The following ADGRG7 variants were observed in gnomAD, a reference collection of about 807,000 sequenced individuals.
ADGRG7 encodes adhesion G protein-coupled receptor G7, also known as G-protein coupled receptor 128.
ADGRG7 carries 82 observed loss-of-function variants against 88.6 expected under a neutral mutation model. That is an observed-to-expected ratio of 0.93 (90% CI 0.77 to 1.11). The LOEUF is 1.11. ADGRG7 is among the 50% of genes most tolerant of loss of function. ADGRG7 has a pLI of 0.00. For missense variants in ADGRG7, 945 were observed against 953.4 expected (o/e 0.99, Z 0.12); for synonymous variants, 381 against 345.2 (o/e 1.10, Z -1.15).
At chr3:100,667,929 C>T (rs762942084) in intron 14 of ADGRG7, among the ~76,000 whole-genome samples, 2 of 152,186 alleles carry the variant, frequency 1.3e-5, no homozygotes, top group Non-Finnish European at 2.9e-5. Flanking sequence ...AGGCAGGCAC[C>T]ATAGGGAATC....
intron 10 of ADGRG7, among the ~76,000 whole-genome samples, chr3:100,647,754 A>G (rs1178535560): frequency 6.6e-6 from 1 of 152,226 alleles, no homozygotes; most frequent in Non-Finnish European, 1.5e-5. Flanking sequence ...TTTATACACA[A>G]TGGAATGGGG....
rs1456447236 is a variant in ADGRG7 at position 100,655,968 on chromosome 3, G to A, written c.1796G>A (p.Trp599Ter). 1.7e-5 allele frequency: 28 copies of A among 1,608,112 alleles called. No homozygotes were observed. Among genetic ancestry groups the A allele is most frequent in the African/African-American group, 4.0e-5 (3 of 74,786 alleles). Residue 599 changes from tryptophan (W) to a stop codon, truncating the protein, a stop_gained, in exon 13 of 16, where the codon TGG (tryptophan) becomes TAG (stop). Coordinates refer to ENST00000273352, the MANE Select transcript of ADGRG7 (RefSeq NM_032787.3). LOFTEE classifies it high-confidence loss of function. ...TCTCAGAATGGAAATAATCCACAGT[G>A]GGAATTAGACTACCGGCAAGAGAAA... ...IYSQNGNNPQ[W>*]ELDYRQEKIC...
At chr3:100,680,976 T>C (rs1250341781) in intron 15 of ADGRG7, among the ~76,000 whole-genome samples, 1 of 152,196 alleles carries the variant, frequency 6.6e-6, no homozygotes, top group African/African-American at 2.4e-5. Flanking sequence ...TGAAGATGCT[T>C]TTATTCCTTG....
chr3:100,637,383 AATG>A lies in ADGRG7; in HGVS notation c.686_688del (p.Asp229del), dbSNP rs746894545. 2 of 1,612,768 alleles carry A rather than the reference AATG, an allele frequency of 1.2e-6. No homozygotes were observed. Among genetic ancestry groups the A allele is most frequent in the South Asian group, 1.1e-5 (1 of 91,054 alleles). On this transcript the variant is annotated inframe_deletion, in exon 6 of 16. Transcript: ENST00000273352. ...TTTTCAAAGAGTTGCTGCTACTGCT[AATG>A]ATGATGCCCTTACAACGTAAGCACA...
intron 11 of ADGRG7, among the ~76,000 whole-genome samples, chr3:100,652,094 A>C (rs2094930320): frequency 6.6e-6 from 1 of 152,142 alleles, no homozygotes; most frequent in Non-Finnish European, 1.5e-5. Context: ...ATTATAATTG[A>C]TAAAATTAGA....
chr3:100,669,896 G>A (rs1379695638), intron 15 of ADGRG7, among the ~76,000 whole-genome samples: 3 of 151,844 alleles, frequency 2.0e-5, no homozygotes, highest in Non-Finnish European at 4.4e-5. Context: ...AAATTAGCTG[G>A]GCATGGTGGC....
intron 15 of ADGRG7, among the ~76,000 whole-genome samples, chr3:100,678,545 A>G (rs2094968680): frequency 6.6e-6 from 1 of 152,056 alleles, no homozygotes; most frequent in Admixed American, 6.5e-5. Flanking sequence ...ATTTACTGTA[A>G]TCTTTACTGT....
chr3:100,657,071 T>G (rs962581198), intron 13 of ADGRG7, among the ~76,000 whole-genome samples: 5 of 152,182 alleles, frequency 3.3e-5, no homozygotes, highest in African/African-American at 1.2e-4. Flanking sequence ...AGAAGCCAAC[T>G]GACTTCAGTT....
intron 8 of ADGRG7, among the ~76,000 whole-genome samples, chr3:100,645,082 A>G (rs573065937): frequency 5.3e-5 from 8 of 152,300 alleles, no homozygotes; most frequent in Non-Finnish European, 1.0e-4. Flanking sequence ...TCACACCACA[A>G]TGTTTTCCTT....
rs546462468 is a variant in ADGRG7, at chr3:100,629,606, A to C, written c.124A>C (p.Thr42Pro). ...ATTTATTGTTTCTTTAGGAAAATCT[A>C]CTTCCTCATCAAGCACCCCTACAGA... ...IVIRIQRGKS[T>P]SSSSTPTEFC... is the part of the protein sequence containing the mutation. Residue 42 changes from threonine to proline, a missense_variant, in exon 2 of 16, where the codon ACT becomes CCT. Transcript: ENST00000273352. 6.2e-7 allele frequency: 1 copy of C among 1,610,202 alleles called. No individual in the cohort carries two copies. Among genetic ancestry groups the C allele is most frequent in the Admixed American group, 1.7e-5 (1 of 59,920 alleles).
intron 14 of ADGRG7, among the ~76,000 whole-genome samples, chr3:100,663,036 A>G (rs778679825): frequency 1.4e-4 from 22 of 152,078 alleles, no homozygotes; most frequent in Admixed American, 3.3e-4. Flanking sequence ...TCTAGCCTCA[A>G]TCTGTTGTGT....
At chr3:100,618,630 T>C (rs1203338401) in intron 1 of ADGRG7, among the ~76,000 whole-genome samples, 42 of 152,292 alleles carry the variant, frequency 2.8e-4, no homozygotes, top group Non-Finnish European at 5.0e-4. Flanking sequence ...CCTTGTAGTA[T>C]AGTTTGAAGT....
At chr3:100,645,887 T>G in intron 8 of ADGRG7, 58 bp from the exon 9 acceptor site, 9 of 1,458,474 alleles carry the variant, frequency 6.2e-6, no homozygotes, top group Non-Finnish European at 8.5e-6. Flanking sequence ...CGTGACATAT[T>G]GTTTTTTGTT....
chr3:100,628,599 G>A (rs58351812), intron 1 of ADGRG7, among the ~76,000 whole-genome samples: 12,055 of 151,918 alleles, frequency 0.079, 691 homozygotes, highest in East Asian at 0.25. Context: ...CAAGTGATCC[G>A]CCCACCTCAG....
intron 1 of ADGRG7, among the ~76,000 whole-genome samples, chr3:100,617,217 T>C (rs1707238406): frequency 6.6e-6 from 1 of 152,142 alleles, no homozygotes; most frequent in Non-Finnish European, 1.5e-5. Flanking sequence ...ATTTTCTTTT[T>C]TTCTTTTTCT....
At chr3:100,634,619 A>G (rs1144123) in intron 4 of ADGRG7, among the ~76,000 whole-genome samples, 139,377 of 152,106 alleles carry the variant, frequency 0.92, 65,121 homozygotes, top group East Asian at 1. Flanking sequence ...GTTGGGTGGG[A>G]ACAGAAGTTG....
Position 100,659,707 on chromosome 3 carries a change from G to GA in ADGRG7, c.1845dup (p.Pro616ThrfsTer40), listed in dbSNP as rs574492402. The GA allele has an allele frequency of 4.8e-4, 769 of 1,613,290 alleles. 2 individuals are homozygous for GA. The highest frequency in any genetic ancestry group is 3.0e-3 in the Admixed American group (180 of 59,858). On this transcript the variant is annotated frameshift_variant, in exon 14 of 16. Transcript: ENST00000273352. LOFTEE classifies it high-confidence loss of function. ...CCACAGCTGCTGGCTGGCAATTCCAGAACCCAATGGTGTTATAAAAAGTCC... is the reference window on the plus strand; with the variant it reads ...CCACAGCTGCTGGCTGGCAATTCCAGAAACCCAATGGTGTTATAAAAAGTCC...
chr3:100,639,607 A>G (rs1707605314), intron 6 of ADGRG7, among the ~76,000 whole-genome samples: 1 of 152,178 alleles, frequency 6.6e-6, no homozygotes, highest in African/African-American at 2.4e-5. Flanking sequence ...GTCTATGTTC[A>G]GTGAACAGAG....
chr3:100,687,292 T>G (rs2094984399), intron 15 of ADGRG7, among the ~76,000 whole-genome samples: 2 of 152,302 alleles, frequency 1.3e-5, no homozygotes, highest in Non-Finnish European at 2.9e-5. Context: ...ATGATGGGGT[T>G]TTCTAGATAT....
Sources: gnomAD v4.1 joint callset for allele counts (sites outside exome capture counted in the v4.1 genomes callset) on GRCh38, gnomAD v4.1.1 for gene constraint, MANE v1.5 for transcripts, NCBI Gene and HGNC (gene_info 2026-07-23, HGNC 2026-07-21) for gene names.